MRC1: variants seen among roughly 807,000 people sequenced by gnomAD.
MRC1 encodes macrophage mannose receptor 1.
Under a neutral mutation model 102.9 loss-of-function variants are expected in MRC1, and 62 were observed. The ratio of observed to expected loss-of-function variants is 0.60; its 90% CI spans 0.49 to 0.74. MRC1 has a LOEUF of 0.74. MRC1 is among the 30% of genes least tolerant of loss of function. The pLI is 0.00. For synonymous variants in MRC1, 457 were observed against 298.4 expected (o/e 1.53, Z -5.48); for missense variants, 1,237 against 862.8 (o/e 1.43, Z -5.43).
intron 12 of MRC1, among the ~76,000 whole-genome samples, chr10:17,869,436 A>G (rs1467061976): frequency 6.6e-6 from 1 of 152,022 alleles, no homozygotes; most frequent in African/African-American, 2.4e-5. Context: ...CTTGGAAGCA[A>G]ATTTTTTTTC....
Position 17,885,249 on chromosome 10 carries a change from A to G in MRC1, c.2981-20A>G, listed in dbSNP as rs895209806. On this transcript the variant is annotated intron_variant, in intron 21 of 29. Transcript: ENST00000569591. ...ATTAACTCTCAAAGTTTAAAATTAT[A>G]TCATGAAATTTTCTTTCAGCATTTC... 5 of 780,696 alleles carry G rather than the reference A, an allele frequency of 6.4e-6. No individual in the cohort carries two copies. Among genetic ancestry groups the G allele is most frequent in the Admixed American group, 1.7e-5 (1 of 59,000 alleles). 48.4% of individuals were successfully genotyped at this position (780,696 alleles called of 1,614,324 possible). A position where few individuals can be genotyped will look rare whatever the true frequency, so the allele number is the denominator to read the frequency against.
intron 21 of MRC1, among the ~76,000 whole-genome samples, chr10:17,883,119 A>G (rs1193802048): frequency 1.3e-5 from 2 of 152,184 alleles, no homozygotes; most frequent in Non-Finnish European, 2.9e-5. Flanking sequence ...ACCAAAACAA[A>G]TATCTACCCA....
intron 2 of MRC1, among the ~76,000 whole-genome samples, chr10:17,827,179 C>A (rs1308479110): frequency 6.6e-6 from 1 of 151,464 alleles, no homozygotes; most frequent in Non-Finnish European, 1.5e-5. Flanking sequence ...CTTCATTTTC[C>A]ACTGTCATTG....
At chr10:17,815,418 A>G (rs2130575360) in intron 1 of MRC1, among the ~76,000 whole-genome samples, 1 of 152,244 alleles carries the variant, frequency 6.6e-6, no homozygotes, top group African/African-American at 2.4e-5. Context: ...TTGTTTATTT[A>G]TCTTAAGGGG....
chr10:17,840,842 A>G lies in MRC1; in HGVS notation c.916+36A>G, dbSNP rs1554839836. The G allele has an allele frequency of 1.2e-5, 9 of 780,750 alleles. 1 individual carries two copies. In the Admixed American group the frequency reaches 1.5e-4, roughly 13 times the overall value. The allele number at this position is 780,750 out of a possible 1,614,324, so 48.4% of individuals were successfully genotyped here. A position where few individuals can be genotyped will look rare whatever the true frequency, so the allele number is the denominator to read the frequency against. On this transcript the variant is annotated intron_variant, in intron 5 of 29. Coordinates refer to ENST00000569591, the MANE Select transcript of MRC1 (RefSeq NM_002438.4). Reference sequence around the variant, plus strand: ...GCCTGTTTGTGTCGAATTAATCCAAATTTAAGTCATCTAGACGCCCCGAAG... The same window carrying G: ...GCCTGTTTGTGTCGAATTAATCCAAGTTTAAGTCATCTAGACGCCCCGAAG...
At chr10:17,900,551 AAT>A (rs1215525913) in intron 24 of MRC1, among the ~76,000 whole-genome samples, 2 of 152,282 alleles carry the variant, frequency 1.3e-5, no homozygotes, top group East Asian at 3.9e-4. Flanking sequence ...TGTTTTTTGA[AAT>A]AACTTCCAAG....
chr10:17,845,170 A>C, intron 5 of MRC1, 119 bp from the exon 6 acceptor site: 1 of 779,886 alleles, frequency 1.3e-6, no homozygotes, highest in Non-Finnish European at 2.4e-6. Context: ...AATGTGTAGC[A>C]AAAGACAGAA....
chr10:17,901,689 C>CA (rs35703196), intron 25 of MRC1, among the ~76,000 whole-genome samples: 23,465 of 136,726 alleles, frequency 0.17, 2,096 homozygotes, highest in Non-Finnish European at 0.23. Context: ...GACTTCGTCT[C>CA]AAAAAAAAAA....
Position 17,893,010 on chromosome 10 carries a change from G to GAA in MRC1, c.3148-1185_3148-1184dup, listed in dbSNP as rs1208089477. Among the ~76,000 whole-genome samples the GAA allele has an allele frequency of 5.5e-3, 750 of 135,450 alleles. 6 individuals are homozygous for GAA. Among genetic ancestry groups the GAA allele is most frequent in the African/African-American group, 0.017 (610 of 36,380 alleles). 88.9% of individuals were successfully genotyped at this position (135,450 alleles called of 152,430 possible). ...GGCGACAGAGCGAGACTCCATCTAG[G>GAA]AAAAAAAAAAAAAAAATAGAAGATA... is the stretch of plus-strand genomic sequence containing the variant. On this transcript the variant is annotated intron_variant, in intron 22 of 29. Transcript: ENST00000569591.
intron 6 of MRC1, among the ~76,000 whole-genome samples, chr10:17,847,674 G>A (rs1282724659): frequency 7.9e-5 from 12 of 152,222 alleles, no homozygotes; most frequent in African/African-American, 2.2e-4. Context: ...CCACTTAACC[G>A]CATGTGGCCA....
At chr10:17,902,264 A>C in intron 26 of MRC1, 142 bp downstream of exon 26, 5 of 615,402 alleles carry the variant, frequency 8.1e-6, no homozygotes, top group Non-Finnish European at 1.2e-5. Flanking sequence ...GGCCAATATC[A>C]TGCTTCCCAA....
At chr10:17,863,250 T>A (rs1186757751) in intron 10 of MRC1, among the ~76,000 whole-genome samples, 1 of 152,168 alleles carries the variant, frequency 6.6e-6, no homozygotes, top group Non-Finnish European at 1.5e-5. Flanking sequence ...CTCTGACATT[T>A]TGAGAATAGG....
chr10:17,903,392 CT>C lies in MRC1; in HGVS notation c.3799+1291del, dbSNP rs35118275. 7.2e-3 allele frequency among the ~76,000 whole-genome samples: 640 copies of C among 88,844 alleles called. 1 individual carries two copies. The highest frequency in any genetic ancestry group is 0.022 in the African/African-American group (507 of 22,878). The allele number at this position is 88,844 out of a possible 152,430, so 58.3% of individuals were successfully genotyped here. On this transcript the variant is annotated intron_variant, in intron 26 of 29. Coordinates refer to ENST00000569591, the MANE Select transcript of MRC1 (RefSeq NM_002438.4). ...TTTTCTTTTTCTTTTCTTTTTTTTT[CT>C]TTTTTTTTTTTTTTTTTTTTGAGAC...
At chr10:17,891,030 C>T (rs1003757124) in intron 22 of MRC1, among the ~76,000 whole-genome samples, 13 of 151,720 alleles carry the variant, frequency 8.6e-5, no homozygotes, top group African/African-American at 2.9e-4. Context: ...GTCTGATGAT[C>T]TGTCCCTGTC....
At chr10:17,828,766 C>G (rs1215149986) in intron 3 of MRC1, among the ~76,000 whole-genome samples, 1 of 151,422 alleles carries the variant, frequency 6.6e-6, no homozygotes, top group Non-Finnish European at 1.5e-5. Flanking sequence ...TGCAAGGATG[C>G]AAAATAAGCA....
chr10:17,882,927 A>G (rs1833539245), intron 21 of MRC1, among the ~76,000 whole-genome samples: 1 of 152,216 alleles, frequency 6.6e-6, no homozygotes, highest in African/African-American at 2.4e-5. Flanking sequence ...AGATGTGCAG[A>G]AGGAAACAAT....
Position 17,907,703 on chromosome 10 carries a change from G to C in MRC1, c.4078+5G>C. ...ATATTTGTAAAAGACCAAAAAGTAAGTAAGAAGTTTGTTGCATGGTGCATA... is the reference window on the plus strand; with the variant it reads ...ATATTTGTAAAAGACCAAAAAGTAACTAAGAAGTTTGTTGCATGGTGCATA... On this transcript the variant is annotated splice_donor_5th_base_variant and intron_variant, in intron 28 of 29. Coordinates refer to ENST00000569591, the MANE Select transcript of MRC1 (RefSeq NM_002438.4). 1 of 780,792 alleles carries C rather than the reference G, an allele frequency of 1.3e-6. No individual in the cohort carries two copies. Among genetic ancestry groups the C allele is most frequent in the Non-Finnish European group, 2.4e-6 (1 of 417,922 alleles). The allele number at this position is 780,792 out of a possible 1,614,324, so 48.4% of individuals were successfully genotyped here. A position where few individuals can be genotyped will look rare whatever the true frequency, so the allele number is the denominator to read the frequency against.
At chr10:17,873,255 AT>A (rs1326427341) in intron 15 of MRC1, among the ~76,000 whole-genome samples, 2 of 152,320 alleles carry the variant, frequency 1.3e-5, no homozygotes, top group East Asian at 1.9e-4. Context: ...AAGAAAATAC[AT>A]TTTCTATTTT....
At chr10:17,908,811 C>A (rs1833931566) in intron 28 of MRC1, among the ~76,000 whole-genome samples, 1 of 152,170 alleles carries the variant, frequency 6.6e-6, no homozygotes, top group Admixed American at 6.5e-5. Context: ...TCAGGTGTTC[C>A]ACCTGCCTCA....
Sources: allele counts gnomAD v4.1 joint callset (sites outside exome capture counted in the v4.1 genomes callset), GRCh38; gene constraint gnomAD v4.1.1; transcripts MANE v1.5; gene names NCBI Gene and HGNC (gene_info 2026-07-23, HGNC 2026-07-21).